Variants in CAST observed in about 807,000 individuals in gnomAD.
The protein encoded by CAST is calpastatin.
In CAST, 76 loss-of-function variants were observed where a neutral mutation model predicts 119.6. The ratio of observed to expected loss-of-function variants is 0.64; its 90% confidence interval spans 0.53 to 0.77. CAST has a LOEUF of 0.77. Among genes scored for constraint, CAST ranks in the 30% least tolerant of loss-of-function variants. CAST has a pLI of 0.00. For synonymous variants in CAST, 319 were observed against 331.6 expected (o/e 0.96, Z 0.41); for missense variants, 953 against 946.5 (o/e 1.01, Z -0.09).
At chr5:96,366,716 G>T in the CAST span, among the ~76,000 whole-genome samples, 1 of 152,120 alleles carries the variant, frequency 6.6e-6, no homozygotes, top group Non-Finnish European at 1.5e-5. Flanking sequence ...GATTATTCTA[G>T]TTAGCCACTC....
At position 96,609,386 on chromosome 5, in the gene CAST, G is replaced by A. The variant is rs190689325; in HGVS notation, c.61-66153G>A. ...GAAGTAGAAATATAGGATTTTTATG[G>A]ACTTTGAGATAAACCATTTAAAGCG... On this transcript the variant is annotated intron_variant, in intron 1 of 11. Coordinates refer to the CAST transcript ENST00000505143. Among the ~76,000 whole-genome samples, 84 of 151,744 alleles carry A rather than the reference G, an allele frequency of 5.5e-4. 1 individual carries two copies. The highest frequency in any genetic ancestry group is 1.6e-3 in the Admixed American group (24 of 15,258).
At chr5:96,267,273 T>C in the CAST span, among the ~76,000 whole-genome samples, 1 of 152,110 alleles carries the variant, frequency 6.6e-6, no homozygotes, top group African/African-American at 2.4e-5. Flanking sequence ...TAAATAATAA[T>C]GGAAGACTTT....
At chr5:96,771,944 T>C (rs931833604) in intron 31 of CAST, 6 of 326,802 alleles carry the variant, frequency 1.8e-5, no homozygotes, top group Non-Finnish European at 3.4e-5. Flanking sequence ...TTTAAAAATA[T>C]TAGGCCAGGC....
the CAST span, among the ~76,000 whole-genome samples, chr5:96,441,887 T>C: frequency 1.3e-5 from 2 of 152,208 alleles, no homozygotes; most frequent in Admixed American, 1.3e-4. Context: ...TTCATTTCCA[T>C]TTCCCAGCTT....
At chr5:96,247,389 A>G in the CAST span, among the ~76,000 whole-genome samples, 1 of 152,232 alleles carries the variant, frequency 6.6e-6, no homozygotes. Flanking sequence ...TGCCTTGCTT[A>G]CTGGTGCATG....
At chr5:95,994,152 C>T in the CAST span, among the ~76,000 whole-genome samples, 3 of 152,124 alleles carry the variant, frequency 2.0e-5, no homozygotes, top group Admixed American at 6.6e-5. Flanking sequence ...ACCCAACACT[C>T]TCCTATTTTG....
chr5:96,349,480 G>A, the CAST span, among the ~76,000 whole-genome samples: 2 of 152,002 alleles, frequency 1.3e-5, no homozygotes, highest in African/African-American at 4.8e-5. Flanking sequence ...AGGTATTTTT[G>A]TCTTTCATAT....
At chr5:96,142,281 G>A in the CAST span, among the ~76,000 whole-genome samples, 1 of 152,074 alleles carries the variant, frequency 6.6e-6, no homozygotes, top group African/African-American at 2.4e-5. Context: ...GCATGGTGGC[G>A]TGTGCCTGTA....
the CAST span, among the ~76,000 whole-genome samples, chr5:96,335,476 T>C: frequency 1.3e-5 from 2 of 152,224 alleles, no homozygotes; most frequent in African/African-American, 4.8e-5. Flanking sequence ...TTCCCAACCA[T>C]GGTCTCCTCT....
chr5:96,460,639 A>G, the CAST span, among the ~76,000 whole-genome samples: 1,088 of 152,260 alleles, frequency 7.1e-3, 5 homozygotes, highest in Non-Finnish European at 0.011. Context: ...CTCTGTTTGC[A>G]TACTTAAATT....
chr5:96,227,653 T>C, the CAST span, among the ~76,000 whole-genome samples: 1 of 152,220 alleles, frequency 6.6e-6, no homozygotes, highest in African/African-American at 2.4e-5. Context: ...AACAGAAGTC[T>C]CTTTAAAAGT....
the CAST span, chr5:95,965,262 A>G: frequency 1.3e-5 from 2 of 152,212 alleles, no homozygotes; most frequent in Non-Finnish European, 1.5e-5. Flanking sequence ...CTGAGAAACA[A>G]AGATTTTTAT....
At chr5:96,328,831 T>TAAAG in the CAST span, among the ~76,000 whole-genome samples, 1 of 152,172 alleles carries the variant, frequency 6.6e-6, no homozygotes, top group African/African-American at 2.4e-5. Flanking sequence ...AATCATCAGG[T>TAAAG]AAAGCTCTGC....
At chr5:96,173,755 T>C in the CAST span, among the ~76,000 whole-genome samples, 7 of 152,000 alleles carry the variant, frequency 4.6e-5, no homozygotes, top group Non-Finnish European at 7.4e-5. Context: ...TTTTTCTTTT[T>C]TTTTTGTGAG....
the CAST span, among the ~76,000 whole-genome samples, chr5:96,486,779 C>T: frequency 6.6e-6 from 1 of 152,218 alleles, no homozygotes; most frequent in African/African-American, 2.4e-5. Context: ...TTAGAGCCTG[C>T]TCCTTGATTC....
chr5:96,297,660 G>T, the CAST span, among the ~76,000 whole-genome samples: 1 of 152,186 alleles, frequency 6.6e-6, no homozygotes, highest in African/African-American at 2.4e-5. Context: ...CTTTGCTAGT[G>T]ACAGAGGAGG....
chr5:96,495,122 C>CAAAAA, the CAST span, among the ~76,000 whole-genome samples: 1 of 50,772 alleles, frequency 2.0e-5, no homozygotes, highest in African/African-American at 5.6e-5. Context: ...GAGACTGTCT[C>CAAAAA]AAAAAAAAAA....
the CAST span, among the ~76,000 whole-genome samples, chr5:96,293,341 C>T: frequency 6.6e-5 from 10 of 152,202 alleles, no homozygotes; most frequent in Admixed American, 1.3e-4. Flanking sequence ...TGCAGTGGCA[C>T]GATCTCAGCT....
chr5:96,590,746 C>T (rs566348537), intron 1 of CAST, among the ~76,000 whole-genome samples: 2 of 152,206 alleles, frequency 1.3e-5, no homozygotes, highest in Non-Finnish European at 2.9e-5. Flanking sequence ...CAACTCCTTG[C>T]AAAGTTAAAT....
Sources: allele counts gnomAD v4.1 joint callset (sites outside exome capture counted in the v4.1 genomes callset), GRCh38; gene constraint gnomAD v4.1.1; transcripts MANE v1.5; gene names NCBI Gene and HGNC (gene_info 2026-07-23, HGNC 2026-07-21).